The following PHACTR1 variants were observed in gnomAD, a reference collection of about 807,000 sequenced individuals.
PHACTR1 encodes phosphatase and actin regulator 1.
In PHACTR1, 16 loss-of-function variants were observed where a neutral mutation model predicts 69.2. The observed-to-expected ratio is 0.23, with a 90% CI of 0.16 to 0.35. The LOEUF is 0.35. Among genes scored for constraint, PHACTR1 ranks in the 10% least tolerant of loss-of-function variants. The probability of loss-of-function intolerance (pLI) is 1.00; values close to 1 mark genes in which losing one functional copy is unlikely to be tolerated. For missense variants in PHACTR1, 510 were observed against 734.7 expected (o/e 0.69, Z 3.54); for synonymous variants, 312 against 284.5 (o/e 1.10, Z -0.97).
At chr6:12,766,460 T>C (rs750006658) in intron 4 of PHACTR1, among the ~76,000 whole-genome samples, 5 of 152,172 alleles carry the variant, frequency 3.3e-5, no homozygotes, top group Non-Finnish European at 7.4e-5. Flanking sequence ...TCTAGAAATT[T>C]CATAGTAACT....
chr6:13,021,504 T>C (rs1800968574), intron 4 of PHACTR1, among the ~76,000 whole-genome samples: 1 of 152,242 alleles, frequency 6.6e-6, no homozygotes, highest in South Asian at 2.1e-4. Flanking sequence ...AGCTTTAGCA[T>C]GGACACAGGT....
At chr6:13,167,388 G>A (rs142817255) in intron 6 of PHACTR1, among the ~76,000 whole-genome samples, 349 of 152,274 alleles carry the variant, frequency 2.3e-3, no homozygotes, top group African/African-American at 7.8e-3. Flanking sequence ...TGTAATTCAC[G>A]TGGATGTATC....
chr6:13,061,516 T>G (rs1490732712), intron 5 of PHACTR1, among the ~76,000 whole-genome samples: 1 of 152,174 alleles, frequency 6.6e-6, no homozygotes, highest in Non-Finnish European at 1.5e-5. Flanking sequence ...AGTAAACAGC[T>G]GCATTCTTGA....
At chr6:12,857,469 G>T (rs1251612558) in intron 4 of PHACTR1, among the ~76,000 whole-genome samples, 1 of 152,014 alleles carries the variant, frequency 6.6e-6, no homozygotes, top group Admixed American at 6.6e-5. Flanking sequence ...TGTGTGTGGT[G>T]GTGCGTGCCT....
At chr6:13,268,995 TA>T (rs992798177) in intron 10 of PHACTR1, among the ~76,000 whole-genome samples, 34 of 151,342 alleles carry the variant, frequency 2.2e-4, no homozygotes, top group Admixed American at 1.7e-3. Flanking sequence ...TGACCACCCA[TA>T]AAAAAAAGGG....
At chr6:13,102,720 C>T (rs554378649) in intron 5 of PHACTR1, among the ~76,000 whole-genome samples, 1 of 152,278 alleles carries the variant, frequency 6.6e-6, no homozygotes, top group South Asian at 2.1e-4. Flanking sequence ...TTTCCAGTTT[C>T]TAAATGTCTA....
chr6:13,160,541 G>A (rs1758837832), intron 6 of PHACTR1, among the ~76,000 whole-genome samples: 1 of 152,188 alleles, frequency 6.6e-6, no homozygotes, highest in Non-Finnish European at 1.5e-5. Flanking sequence ...AAAATGATGT[G>A]GCCCCGGGAA....
chr6:12,939,036 A>G (rs1052908035), intron 4 of PHACTR1, among the ~76,000 whole-genome samples: 7 of 152,224 alleles, frequency 4.6e-5, no homozygotes, highest in Non-Finnish European at 8.8e-5. Context: ...AAATCTTGGT[A>G]TCAAGCCCAT....
chr6:12,898,428 G>A (rs982830473), intron 4 of PHACTR1, among the ~76,000 whole-genome samples: 5 of 151,986 alleles, frequency 3.3e-5, no homozygotes, highest in Non-Finnish European at 7.4e-5. Context: ...GCCTCCACTC[G>A]CCCTCAGCCC....
intron 4 of PHACTR1, among the ~76,000 whole-genome samples, chr6:12,777,692 T>C (rs926401201): frequency 3.6e-5 from 5 of 137,592 alleles, no homozygotes; most frequent in East Asian, 2.6e-4. Flanking sequence ...AGTACAGTGG[T>C]GTGATCTCAG....
At chr6:13,030,355 C>T (rs1802281711) in intron 4 of PHACTR1, among the ~76,000 whole-genome samples, 1 of 152,078 alleles carries the variant, frequency 6.6e-6, no homozygotes, top group African/African-American at 2.4e-5. Flanking sequence ...TTTCCTGTCA[C>T]TTAGCACTCA....
intron 5 of PHACTR1, among the ~76,000 whole-genome samples, chr6:13,123,806 C>T (rs943555716): frequency 2.0e-5 from 3 of 152,190 alleles, no homozygotes; most frequent in Admixed American, 6.5e-5. Flanking sequence ...CTTGTGTTAC[C>T]TGTGGCCCGG....
In PHACTR1 at chr6:13,287,295, A is replaced by C. The variant is rs1781877172; in HGVS notation, c.*217A>C. 1.7e-6 allele frequency: 1 copy of C among 573,708 alleles called. No individual in the cohort carries two copies. Among genetic ancestry groups the C allele is most frequent in the African/African-American group, 2.2e-5 (1 of 44,716 alleles). 35.5% of individuals were successfully genotyped at this position (573,708 alleles called of 1,614,324 possible). The stretch of plus-strand genomic sequence containing the variant: ...CCGAGCTGCTGGTCCCACTTCTGAC[A>C]CCAAAATGCATCCCAACCCCCGGCA... On this transcript the variant is annotated 3_prime_UTR_variant, in exon 15 of 15. Transcript: ENST00000332995.
chr6:13,168,032 G>A (rs1477135157), intron 6 of PHACTR1, among the ~76,000 whole-genome samples: 2 of 152,158 alleles, frequency 1.3e-5, no homozygotes, highest in East Asian at 1.9e-4. Context: ...AAATCTTGAC[G>A]TTTATAGGAA....
chr6:13,231,545 G>A (rs1358538811), intron 10 of PHACTR1, among the ~76,000 whole-genome samples: 1 of 152,244 alleles, frequency 6.6e-6, no homozygotes, highest in African/African-American at 2.4e-5. Context: ...GAGATAAGGT[G>A]TGGTTTGATT....
At chr6:13,003,949 TCC>T (rs1798404437) in intron 4 of PHACTR1, among the ~76,000 whole-genome samples, 1 of 72,760 alleles carries the variant, frequency 1.4e-5, no homozygotes, top group Non-Finnish European at 2.6e-5. Flanking sequence ...TCAGTAGTAT[TCC>T]TATATATATA....
chr6:13,109,544 G>A lies in PHACTR1; in HGVS notation c.416-50660G>A, dbSNP rs72820894. ...CCTGTATCTAATATTTTTTCTCTCT[G>A]GCTACTCTTAAAATTTTCTTCTTAT... On this transcript the variant is annotated intron_variant, in intron 5 of 14. Transcript: ENST00000332995. Among the ~76,000 whole-genome samples the A allele has an allele frequency of 3.5e-3, 529 of 150,718 alleles. 4 individuals are homozygous for A. The highest frequency in any genetic ancestry group is 6.9e-3 in the Middle Eastern group (2 of 290).
At chr6:13,014,260 G>T (rs1035345564) in intron 4 of PHACTR1, among the ~76,000 whole-genome samples, 10 of 152,096 alleles carry the variant, frequency 6.6e-5, no homozygotes, top group African/African-American at 2.4e-4. Flanking sequence ...GGGGACATCC[G>T]CACTCCACCC....
chr6:12,849,391 G>A (rs1290757890), intron 4 of PHACTR1, among the ~76,000 whole-genome samples: 1 of 152,168 alleles, frequency 6.6e-6, no homozygotes, highest in African/African-American at 2.4e-5. Context: ...CCTATGTCGG[G>A]GAATGTGAGG....
Sources: gnomAD v4.1 joint callset for allele counts (sites outside exome capture counted in the v4.1 genomes callset) on GRCh38, gnomAD v4.1.1 for gene constraint, MANE v1.5 for transcripts, NCBI Gene and HGNC (gene_info 2026-07-23, HGNC 2026-07-21) for gene names.